Variants in MARCHF11 observed in about 807,000 individuals in gnomAD.
MARCHF11 encodes the protein membrane associated ring-CH-type finger 11.
MARCHF11 carries 29 observed loss-of-function variants against 37.3 expected under a neutral mutation model. That is an observed-to-expected ratio of 0.78 (90% CI 0.58 to 1.06). MARCHF11 has a LOEUF of 1.06. MARCHF11 is among the 50% of genes least tolerant of loss of function. The pLI is 0.00. For missense variants in MARCHF11, 482 were observed against 533.4 expected (o/e 0.90, Z 0.95); for synonymous variants, 233 against 228.0 (o/e 1.02, Z -0.20).
intron 2 of MARCHF11, among the ~76,000 whole-genome samples, chr5:16,121,079 T>A (rs1280931099): frequency 6.6e-6 from 1 of 152,228 alleles, no homozygotes; most frequent in Non-Finnish European, 1.5e-5. Context: ...GTTAAATAAA[T>A]ACAAGTATAT....
chr5:16,171,300 T>C (rs896598317), intron 2 of MARCHF11, among the ~76,000 whole-genome samples: 1 of 141,870 alleles, frequency 7.0e-6, no homozygotes, highest in Admixed American at 7.4e-5. Flanking sequence ...TTCTAAATAA[T>C]GTAAGTTTAT....
chr5:16,087,093 A>C (rs1736712826), intron 3 of MARCHF11, among the ~76,000 whole-genome samples: 1 of 152,210 alleles, frequency 6.6e-6, no homozygotes, highest in Non-Finnish European at 1.5e-5. Context: ...TTCCTGATTT[A>C]CAATCATGCC....
chr5:16,178,924 C>T, intron 1 of MARCHF11, 115 bp downstream of exon 1: 5 of 1,242,346 alleles, frequency 4.0e-6, no homozygotes, highest in Non-Finnish European at 5.2e-6. Context: ...CAGAACCAGA[C>T]GAGCCTCACT....
intron 2 of MARCHF11, among the ~76,000 whole-genome samples, chr5:16,139,806 G>C (rs932661662): frequency 3.9e-5 from 6 of 151,966 alleles, no homozygotes; most frequent in African/African-American, 1.4e-4. Flanking sequence ...AAGTGAGTAA[G>C]AAATAAGAAT....
At chr5:16,174,037 C>T (rs907159859) in intron 2 of MARCHF11, among the ~76,000 whole-genome samples, 3 of 152,174 alleles carry the variant, frequency 2.0e-5, no homozygotes, top group African/African-American at 7.2e-5. Context: ...ACATACAGTA[C>T]TTTATCCCAT....
chr5:16,119,117 C>A (rs946643470), intron 2 of MARCHF11, among the ~76,000 whole-genome samples: 1 of 152,080 alleles, frequency 6.6e-6, no homozygotes, highest in Non-Finnish European at 1.5e-5. Context: ...AATCCCAGCA[C>A]TTTGGGAGGC....
intron 2 of MARCHF11, among the ~76,000 whole-genome samples, chr5:16,107,301 A>C (rs1737060547): frequency 6.6e-6 from 1 of 151,924 alleles, no homozygotes; most frequent in East Asian, 1.9e-4. Flanking sequence ...AGTAGTTTGG[A>C]AAAGAGAGGA....
At chr5:16,166,943 G>A (rs1579423868) in intron 2 of MARCHF11, among the ~76,000 whole-genome samples, 1 of 144,200 alleles carries the variant, frequency 6.9e-6, no homozygotes, top group Non-Finnish European at 1.5e-5. Context: ...GTATACATAT[G>A]AGTGTGAGGA....
intron 2 of MARCHF11, among the ~76,000 whole-genome samples, chr5:16,098,095 T>C (rs536019734): frequency 6.6e-6 from 1 of 152,304 alleles, no homozygotes; most frequent in Admixed American, 6.5e-5. Context: ...TCTCAGTAGA[T>C]GTGGTAAAAT....
rs759770930 is a variant in MARCHF11 at position 16,177,846 on chromosome 5, T to G, written c.573A>C (p.Ser191=). ...GGCACAGCTGATGTGTATACCGAAC[T>G]GACCCATCACATCGGCAGGGGTTCA... ...ELLNPCRCDG[S]VRYTHQLCLL... Residue 191 remains serine (S), a synonymous_variant, in exon 2 of 4, where the codon TCA becomes TCC. Coordinates refer to ENST00000332432, the MANE Select transcript of MARCHF11 (RefSeq NM_001102562.3). The G allele has an allele frequency of 1.9e-6, 3 of 1,612,178 alleles. No individual in the cohort carries two copies. In the African/African-American group the frequency reaches 4.0e-5, roughly 22 times the overall value.
At chr5:16,074,926 T>C (rs990363568) in intron 3 of MARCHF11, among the ~76,000 whole-genome samples, 4 of 152,206 alleles carry the variant, frequency 2.6e-5, no homozygotes, top group Non-Finnish European at 4.4e-5. Context: ...TATGTCCCCC[T>C]GTCTGCTTCA....
intron 2 of MARCHF11, among the ~76,000 whole-genome samples, chr5:16,131,551 T>C (rs1170590718): frequency 6.6e-6 from 1 of 151,798 alleles, no homozygotes; most frequent in Non-Finnish European, 1.5e-5. Context: ...TGGTCGGGGG[T>C]GGGAGTGGTG....
chr5:16,096,944 G>A (rs1736878232), intron 2 of MARCHF11, among the ~76,000 whole-genome samples: 1 of 152,204 alleles, frequency 6.6e-6, no homozygotes, highest in Non-Finnish European at 1.5e-5. Context: ...GACCTGTTCA[G>A]GGTGCCTTAA....
chr5:16,115,741 C>A (rs990558203), intron 2 of MARCHF11, among the ~76,000 whole-genome samples: 1 of 151,952 alleles, frequency 6.6e-6, no homozygotes, highest in East Asian at 1.9e-4. Flanking sequence ...GATTCTCCTG[C>A]CTCAGCCTCC....
intron 2 of MARCHF11, among the ~76,000 whole-genome samples, chr5:16,093,928 T>A (rs1736824310): frequency 6.6e-6 from 1 of 152,176 alleles, no homozygotes; most frequent in Non-Finnish European, 1.5e-5. Flanking sequence ...TCCCTGAAAT[T>A]TTTTTTGGTT....
At chr5:16,146,572 T>C (rs572092196) in intron 2 of MARCHF11, among the ~76,000 whole-genome samples, 2 of 152,196 alleles carry the variant, frequency 1.3e-5, no homozygotes, top group African/African-American at 4.8e-5. Context: ...TTCTATGACC[T>C]TGGGAGTTTG....
At chr5:16,165,764 T>A (rs756031040) in intron 2 of MARCHF11, among the ~76,000 whole-genome samples, 1 of 152,080 alleles carries the variant, frequency 6.6e-6, no homozygotes, top group Non-Finnish European at 1.5e-5. Flanking sequence ...AATGTTAAAC[T>A]TGATTGCCTG....
chr5:16,100,801 G>T (rs188392557), intron 2 of MARCHF11, among the ~76,000 whole-genome samples: 40 of 152,300 alleles, frequency 2.6e-4, no homozygotes, highest in Admixed American at 1.3e-3. Flanking sequence ...GATGCTTAGT[G>T]GGAAGGTTAT....
chr5:16,077,500 C>T (rs1736542125), intron 3 of MARCHF11, among the ~76,000 whole-genome samples: 1 of 152,052 alleles, frequency 6.6e-6, no homozygotes, highest in Non-Finnish European at 1.5e-5. Flanking sequence ...TAGTAATAAG[C>T]TATTTCATTT....
Sources: gnomAD v4.1 joint callset for allele counts (sites outside exome capture counted in the v4.1 genomes callset) on GRCh38, gnomAD v4.1.1 for gene constraint, MANE v1.5 for transcripts, NCBI Gene and HGNC (gene_info 2026-07-23, HGNC 2026-07-21) for gene names.